Variants in NTM observed in about 807,000 individuals in gnomAD.
The protein encoded by NTM is neurotrimin.
In NTM, 13 loss-of-function variants were observed where a neutral mutation model predicts 42.1. The observed-to-expected ratio is 0.31, with a 90% CI of 0.20 to 0.49. The LOEUF is 0.49. Ranked by LOEUF, NTM falls within the 20% of genes least tolerant of loss-of-function variation. The probability of loss-of-function intolerance (pLI) is 0.99; values close to 1 mark genes in which losing one functional copy is unlikely to be tolerated. For missense variants in NTM, 373 were observed against 452.8 expected (o/e 0.82, Z 1.60); for synonymous variants, 187 against 179.2 (o/e 1.04, Z -0.35).
intron 1 of NTM, among the ~76,000 whole-genome samples, chr11:131,903,215 G>T (rs190414688): frequency 1.1e-4 from 17 of 152,300 alleles, no homozygotes; most frequent in Non-Finnish European, 1.5e-5. Flanking sequence ...CTTCTAACCC[G>T]GATATTCCAA....
At chr11:132,320,846 C>T (rs1237081688) in intron 7 of NTM, among the ~76,000 whole-genome samples, 2 of 149,510 alleles carry the variant, frequency 1.3e-5, no homozygotes, top group African/African-American at 4.9e-5. Context: ...GGCAGACTGC[C>T]TCCTCAAGTG....
intron 1 of NTM, among the ~76,000 whole-genome samples, chr11:131,895,186 G>A (rs968801920): frequency 5.9e-5 from 9 of 152,136 alleles, no homozygotes; most frequent in Admixed American, 3.9e-4. Context: ...ATCCAAACCC[G>A]TGTATTGGAA....
intron 1 of NTM, among the ~76,000 whole-genome samples, chr11:131,765,099 A>G (rs969264327): frequency 6.6e-6 from 1 of 152,150 alleles, no homozygotes; most frequent in Non-Finnish European, 1.5e-5. Flanking sequence ...CCTGAAAGCC[A>G]CTTAAAGAAT....
chr11:131,506,172 T>C (rs1048507158), intron 1 of NTM, among the ~76,000 whole-genome samples: 3 of 152,160 alleles, frequency 2.0e-5, no homozygotes, highest in African/African-American at 7.2e-5. Flanking sequence ...GAGGCCTGTG[T>C]CAATTACTCC....
At chr11:131,476,726 G>A (rs887039336) in intron 1 of NTM, among the ~76,000 whole-genome samples, 1 of 152,012 alleles carries the variant, frequency 6.6e-6, no homozygotes, top group Non-Finnish European at 1.5e-5. Flanking sequence ...GTTTAAGAGG[G>A]AACACTTTGA....
chr11:131,664,795 C>A (rs1194703323), intron 1 of NTM, among the ~76,000 whole-genome samples: 2 of 122,358 alleles, frequency 1.6e-5, no homozygotes, highest in Non-Finnish European at 3.3e-5. Flanking sequence ...TTAATATTTC[C>A]TTTTTCTGGC....
At chr11:131,419,615 T>C (rs1003982828) in intron 1 of NTM, among the ~76,000 whole-genome samples, 4 of 151,388 alleles carry the variant, frequency 2.6e-5, no homozygotes, top group Non-Finnish European at 5.9e-5. Flanking sequence ...GCTGGGTAGG[T>C]GAGGGAAAGA....
At chr11:132,049,337 GCAAGGGCACATT>G (rs1443355894) in intron 2 of NTM, among the ~76,000 whole-genome samples, 1 of 152,170 alleles carries the variant, frequency 6.6e-6, no homozygotes, top group Admixed American at 6.5e-5. Flanking sequence ...TAGGAGAAAG[GCAAGGGCACATT>G]CCCCCTTCAT....
intron 1 of NTM, among the ~76,000 whole-genome samples, chr11:131,867,459 GTGTC>G (rs1287253584): frequency 4.4e-4 from 67 of 151,978 alleles, no homozygotes; most frequent in African/African-American, 1.3e-3. Context: ...ATGTGTGTGT[GTGTC>G]TGTGTGTGTC....
chr11:132,199,555 C>T (rs2080834266), intron 3 of NTM, among the ~76,000 whole-genome samples: 1 of 152,166 alleles, frequency 6.6e-6, no homozygotes, highest in African/African-American at 2.4e-5. Flanking sequence ...ACCTCTTCCC[C>T]TCTGTATCCA....
intron 1 of NTM, among the ~76,000 whole-genome samples, chr11:131,586,547 A>G (rs576673446): frequency 1.3e-5 from 2 of 152,198 alleles, no homozygotes; most frequent in East Asian, 3.9e-4. Flanking sequence ...CCTCCTAGGC[A>G]AGACTTTAGA....
At chr11:132,172,279 C>T (rs923211610) in intron 3 of NTM, among the ~76,000 whole-genome samples, 2 of 152,324 alleles carry the variant, frequency 1.3e-5, no homozygotes, top group African/African-American at 4.8e-5. Context: ...AGATCTCATA[C>T]AGAGATGTTT....
intron 1 of NTM, among the ~76,000 whole-genome samples, chr11:131,476,749 C>A (rs1952978909): frequency 6.6e-6 from 1 of 152,008 alleles, no homozygotes; most frequent in Non-Finnish European, 1.5e-5. Context: ...AGAAGCCACA[C>A]TTCCCCTGCC....
At chr11:131,484,496 A>G (rs2136253832) in intron 1 of NTM, among the ~76,000 whole-genome samples, 1 of 152,336 alleles carries the variant, frequency 6.6e-6, no homozygotes, top group East Asian at 1.9e-4. Context: ...CGGGCAGCAC[A>G]CAGGGTTCTT....
intron 1 of NTM, among the ~76,000 whole-genome samples, chr11:131,497,911 C>T (rs560134005): frequency 7.9e-5 from 12 of 152,262 alleles, no homozygotes; most frequent in East Asian, 3.9e-4. Flanking sequence ...CTCGCCACTC[C>T]GGCTCATACC....
At chr11:131,847,506 G>A (rs536597993) in intron 1 of NTM, among the ~76,000 whole-genome samples, 83 of 152,152 alleles carry the variant, frequency 5.5e-4, no homozygotes, top group Non-Finnish European at 9.4e-4. Context: ...CCTGCAGGAG[G>A]AGGCAGGAAG....
chr11:131,520,526 T>C (rs915718640), intron 1 of NTM, among the ~76,000 whole-genome samples: 2 of 152,184 alleles, frequency 1.3e-5, no homozygotes, highest in African/African-American at 4.8e-5. Flanking sequence ...GTGTCCAGGA[T>C]AGCCACGCAA....
At chr11:131,463,993 C>G (rs1351892235) in intron 1 of NTM, among the ~76,000 whole-genome samples, 2 of 152,248 alleles carry the variant, frequency 1.3e-5, no homozygotes, top group African/African-American at 2.4e-5. Context: ...AAAGTAACAG[C>G]TCTTGTTTCT....
intron 2 of NTM, among the ~76,000 whole-genome samples, chr11:132,092,136 C>T (rs1171584060): frequency 6.6e-6 from 1 of 152,170 alleles, no homozygotes; most frequent in Non-Finnish European, 1.5e-5. Flanking sequence ...CTTTCCTATG[C>T]CTTCAGTCTC....
Sources: gnomAD v4.1 joint callset for allele counts (sites outside exome capture counted in the v4.1 genomes callset) on GRCh38, gnomAD v4.1.1 for gene constraint, MANE v1.5 for transcripts, NCBI Gene and HGNC (gene_info 2026-07-23, HGNC 2026-07-21) for gene names.